The following SERGEF variants were observed in gnomAD, a reference collection of about 807,000 sequenced individuals.
SERGEF encodes secretion regulating guanine nucleotide exchange factor.
Under a neutral mutation model 50.0 loss-of-function variants are expected in SERGEF, and 51 were observed. The ratio of observed to expected loss-of-function variants is 1.02; its 90% CI spans 0.81 to 1.29. The LOEUF (loss-of-function observed/expected upper bound fraction) is 1.29. Ranked by LOEUF, SERGEF falls within the 50% of genes most tolerant of loss-of-function variation. SERGEF has a pLI of 0.00. For synonymous variants in SERGEF, 205 were observed against 212.4 expected, an observed-to-expected ratio of 0.97 and a Z score of 0.30; for missense variants, 521 against 557.0, an observed-to-expected ratio of 0.94 and a Z score of 0.65.
intron 9 of SERGEF, among the ~76,000 whole-genome samples, chr11:17,895,670 T>G (rs1003113122): frequency 1.3e-5 from 2 of 152,198 alleles, no homozygotes; most frequent in African/African-American, 4.8e-5. Flanking sequence ...TAAATAAAGT[T>G]TATTTATTTT....
chr11:17,831,122 T>C (rs1287289146), intron 10 of SERGEF, among the ~76,000 whole-genome samples: 3 of 152,192 alleles, frequency 2.0e-5, no homozygotes, highest in Admixed American at 6.5e-5. Context: ...AATCAAACTT[T>C]AGGTAAATAA....
chr11:17,870,072 A>G (rs577529275), intron 10 of SERGEF, among the ~76,000 whole-genome samples: 3 of 152,058 alleles, frequency 2.0e-5, no homozygotes, highest in African/African-American at 7.2e-5. Flanking sequence ...ATGAGATCTG[A>G]TGGTTTTATA....
At chr11:17,947,971 G>A (rs1175960070) in intron 9 of SERGEF, among the ~76,000 whole-genome samples, 1 of 108,744 alleles carries the variant, frequency 9.2e-6, no homozygotes. Context: ...TTTTTTTTCT[G>A]AGACGGAGTC....
At chr11:17,986,207 T>C (rs1853593201) in intron 8 of SERGEF, among the ~76,000 whole-genome samples, 1 of 152,162 alleles carries the variant, frequency 6.6e-6, no homozygotes, top group Non-Finnish European at 1.5e-5. Flanking sequence ...TCTGATTAAA[T>C]AGAAGCCCTG....
chr11:17,998,591 T>A (rs1045648629), intron 5 of SERGEF, among the ~76,000 whole-genome samples: 1 of 149,440 alleles, frequency 6.7e-6, no homozygotes, highest in Non-Finnish European at 1.5e-5. Context: ...AAGAACTGTA[T>A]CCCCCTAAAA....
chr11:17,813,145 A>C (rs1849904796), intron 10 of SERGEF, among the ~76,000 whole-genome samples: 1 of 152,232 alleles, frequency 6.6e-6, no homozygotes, highest in Non-Finnish European at 1.5e-5. Flanking sequence ...TTTGAACCTT[A>C]GTGGCCTTGC....
chr11:17,962,901 G>T (rs936763835), intron 8 of SERGEF, among the ~76,000 whole-genome samples: 13 of 152,208 alleles, frequency 8.5e-5, no homozygotes, highest in African/African-American at 2.6e-4. Context: ...TCAAAAGGCG[G>T]CCAGGCACAG....
At chr11:18,001,822 T>A (rs1372732927) in intron 4 of SERGEF, 3 of 243,666 alleles carry the variant, frequency 1.2e-5, no homozygotes, top group Non-Finnish European at 2.5e-5. Context: ...AATCTTTCTC[T>A]TTTAAAGGAA....
At chr11:17,963,444 G>T (rs1590221341) in intron 8 of SERGEF, among the ~76,000 whole-genome samples, 1 of 147,380 alleles carries the variant, frequency 6.8e-6, no homozygotes, top group African/African-American at 2.5e-5. Context: ...CTGGAGTGCA[G>T]TGGCATGATC....
intron 10 of SERGEF, among the ~76,000 whole-genome samples, chr11:17,826,733 A>C (rs1364365782): frequency 1.3e-5 from 2 of 152,226 alleles, no homozygotes; most frequent in African/African-American, 4.8e-5. Context: ...ATAATAACAA[A>C]TAAAGTAACC....
intron 10 of SERGEF, among the ~76,000 whole-genome samples, chr11:17,836,396 T>C (rs933446396): frequency 6.6e-6 from 1 of 152,242 alleles, no homozygotes; most frequent in Non-Finnish European, 1.5e-5. Context: ...AGCCTCATAC[T>C]TTCATGCCTC....
intron 8 of SERGEF, among the ~76,000 whole-genome samples, chr11:17,960,040 A>C (rs1214190359): frequency 6.6e-6 from 1 of 151,798 alleles, no homozygotes; most frequent in Non-Finnish European, 1.5e-5. Flanking sequence ...TCCCCCACCC[A>C]ACCCAGGGCC....
intron 10 of SERGEF, among the ~76,000 whole-genome samples, chr11:17,797,327 C>T (rs1849588283): frequency 6.6e-6 from 1 of 152,238 alleles, no homozygotes; most frequent in South Asian, 2.1e-4. Flanking sequence ...ACTCTGCTAA[C>T]ATCACCATAG....
At chr11:17,840,388 T>C (rs1850478441) in intron 10 of SERGEF, among the ~76,000 whole-genome samples, 1 of 152,200 alleles carries the variant, frequency 6.6e-6, no homozygotes, top group Non-Finnish European at 1.5e-5. Flanking sequence ...TATCACATGG[T>C]GCCAGGGCTG....
At chr11:17,897,575 A>G (rs1565198353) in intron 9 of SERGEF, among the ~76,000 whole-genome samples, 1 of 152,260 alleles carries the variant, frequency 6.6e-6, no homozygotes, top group South Asian at 2.1e-4. Context: ...ACTGAAACAC[A>G]TAACAACATG....
chr11:17,876,699 T>A (rs1317058848), intron 10 of SERGEF, among the ~76,000 whole-genome samples: 2 of 152,232 alleles, frequency 1.3e-5, no homozygotes, highest in Non-Finnish European at 2.9e-5. Flanking sequence ...TCTGACCCAT[T>A]CCTTCATCTG....
At chr11:17,925,776 T>A (rs1256791530) in intron 9 of SERGEF, among the ~76,000 whole-genome samples, 1 of 152,206 alleles carries the variant, frequency 6.6e-6, no homozygotes, top group East Asian at 1.9e-4. Flanking sequence ...CCTGGCAGTA[T>A]CTGTCTGCAT....
At chr11:17,952,036 A>G (rs1444470117) in intron 9 of SERGEF, among the ~76,000 whole-genome samples, 1 of 152,168 alleles carries the variant, frequency 6.6e-6, no homozygotes, top group Admixed American at 6.5e-5. Flanking sequence ...TAAGCCAACC[A>G]ACATGAGCTC....
At chr11:18,006,845 A>G in intron 2 of SERGEF, 99 bp from the exon 3 acceptor site, 3 of 1,421,200 alleles carry the variant, frequency 2.1e-6, no homozygotes, top group Non-Finnish European at 2.9e-6. Flanking sequence ...TCTCAGACCA[A>G]TAACTTTTTT....
Sources: gnomAD v4.1 joint callset for allele counts (sites outside exome capture counted in the v4.1 genomes callset) on GRCh38, gnomAD v4.1.1 for gene constraint, MANE v1.5 for transcripts, NCBI Gene and HGNC (gene_info 2026-07-23, HGNC 2026-07-21) for gene names.